The following FGL1 variants were observed in gnomAD, a reference collection of about 807,000 sequenced individuals.
FGL1 encodes fibrinogen-like protein 1.
In FGL1, 59 loss-of-function variants were observed where a neutral mutation model predicts 43.7. The observed-to-expected ratio is 1.35, with a 90% CI of 1.10 to 1.68. The LOEUF (loss-of-function observed/expected upper bound fraction) is 1.68, where lower values mean the gene tolerates loss of function less well. FGL1 is among the 40% of genes most tolerant of loss of function. The pLI, the probability that FGL1 is intolerant of heterozygous loss-of-function variation, is 0.00. For synonymous variants in FGL1, 192 were observed against 126.5 expected (o/e 1.52, Z -3.48); for missense variants, 596 against 373.0 (o/e 1.60, Z -4.92).
At chr8:17,880,340 C>T (rs1395277180) in intron 3 of FGL1, among the ~76,000 whole-genome samples, 1 of 152,196 alleles carries the variant, frequency 6.6e-6, no homozygotes, top group East Asian at 1.9e-4. Context: ...TGTGAGCCAG[C>T]CAGGTGCCCT....
At chr8:17,895,295 C>T in intron 1 of FGL1, 152 bp downstream of exon 1, 2 of 1,064,800 alleles carry the variant, frequency 1.9e-6, no homozygotes, top group Non-Finnish European at 2.3e-6. Flanking sequence ...TAAATCTCTT[C>T]TCCAAGTAGC....
chr8:17,888,960 A>C (rs1485457500), intron 1 of FGL1, among the ~76,000 whole-genome samples: 1 of 152,184 alleles, frequency 6.6e-6, no homozygotes, highest in Non-Finnish European at 1.5e-5. Context: ...TCTTTTCTTC[A>C]CAATAAGAGA....
intron 7 of FGL1, among the ~76,000 whole-genome samples, chr8:17,867,253 G>A (rs1342308444): frequency 2.0e-5 from 3 of 152,080 alleles, no homozygotes; most frequent in Admixed American, 2.0e-4. Context: ...TACGAAGTGA[G>A]TAACGAGCAG....
intron 5 of FGL1, among the ~76,000 whole-genome samples, chr8:17,872,828 A>G (rs2053384838): frequency 6.6e-6 from 1 of 152,224 alleles, no homozygotes; most frequent in African/African-American, 2.4e-5. Context: ...AACTCTAAAG[A>G]TAAGAATTTA....
At chr8:17,890,643 C>A (rs529339725) in intron 1 of FGL1, among the ~76,000 whole-genome samples, 1 of 152,090 alleles carries the variant, frequency 6.6e-6, no homozygotes, top group South Asian at 2.1e-4. Flanking sequence ...TAAATTTACC[C>A]AGTAAAGATC....
Position 17,874,541 on chromosome 8 carries a change from A to G in FGL1, c.245-20T>C. The stretch of plus-strand genomic sequence containing the variant: ...AACAATCTGTTTTTAAAACAAGGTA[A>G]TGTAACATTCATTATGTGTCTTTTT... On this transcript the variant is annotated intron_variant, in intron 3 of 7. Coordinates refer to ENST00000427924, the MANE Select transcript of FGL1 (RefSeq NM_004467.4). The G allele has an allele frequency of 6.3e-7, 1 of 1,595,604 alleles. No homozygotes were observed. The highest frequency in any genetic ancestry group is 2.2e-5 in the East Asian group (1 of 44,540).
chr8:17,882,211 A>C (rs1563457154), intron 2 of FGL1, 32 bp from the exon 3 acceptor site: 1 of 1,535,784 alleles, frequency 6.5e-7, no homozygotes, highest in East Asian at 2.3e-5. Flanking sequence ...ATGAGTATGC[A>C]CCTCATTTTC....
intron 5 of FGL1, among the ~76,000 whole-genome samples, chr8:17,869,254 A>T (rs1364455536): frequency 6.6e-6 from 1 of 152,206 alleles, no homozygotes; most frequent in African/African-American, 2.4e-5. Flanking sequence ...TAGAGGTAAA[A>T]CCTAGTGCAA....
chr8:17,891,724 T>G, intron 1 of FGL1: 2 of 985,012 alleles, frequency 2.0e-6, no homozygotes, highest in Non-Finnish European at 2.4e-6. Flanking sequence ...TTATTGTAAT[T>G]TCACAGTTGC....
chr8:17,881,067 A>T (rs2053526857), intron 3 of FGL1, among the ~76,000 whole-genome samples: 1 of 152,180 alleles, frequency 6.6e-6, no homozygotes, highest in African/African-American at 2.4e-5. Flanking sequence ...CATACATGCA[A>T]CAAGGAAAGA....
At chr8:17,869,166 G>A (rs1391586033) in intron 5 of FGL1, among the ~76,000 whole-genome samples, 162 bp from the exon 6 acceptor site, 1 of 151,804 alleles carries the variant, frequency 6.6e-6, no homozygotes, top group African/African-American at 2.4e-5. Flanking sequence ...TATATAACAT[G>A]AACATTTTAT....
At chr8:17,871,878 G>C (rs1029335627) in intron 5 of FGL1, among the ~76,000 whole-genome samples, 2 of 152,018 alleles carry the variant, frequency 1.3e-5, no homozygotes, top group Admixed American at 1.3e-4. Flanking sequence ...AGTTCCTCTG[G>C]GAAAATATGT....
chr8:17,875,001 A>G (rs777804049), intron 3 of FGL1, among the ~76,000 whole-genome samples: 2 of 152,134 alleles, frequency 1.3e-5, no homozygotes, highest in Non-Finnish European at 2.9e-5. Flanking sequence ...TAATAACAGT[A>G]TATTTAGGTG....
intron 2 of FGL1, 73 bp downstream of exon 2, chr8:17,885,419 A>T: frequency 2.4e-6 from 3 of 1,271,910 alleles, no homozygotes; most frequent in Non-Finnish European, 3.4e-6. Context: ...CTATAGGTTT[A>T]ATGCAAAATG....
intron 3 of FGL1, among the ~76,000 whole-genome samples, chr8:17,878,297 T>C (rs982243788): frequency 6.6e-6 from 1 of 152,166 alleles, no homozygotes; most frequent in Non-Finnish European, 1.5e-5. Context: ...TTACAACAAA[T>C]ACACAGCATT....
At chr8:17,886,933 G>A (rs1354714557) in intron 1 of FGL1, among the ~76,000 whole-genome samples, 1 of 152,138 alleles carries the variant, frequency 6.6e-6, no homozygotes, top group Non-Finnish European at 1.5e-5. Context: ...GGAAGTGAAG[G>A]TAGAGGCAAA....
chr8:17,885,956 T>G (rs965609718), intron 1 of FGL1, among the ~76,000 whole-genome samples: 5 of 152,200 alleles, frequency 3.3e-5, no homozygotes, highest in Non-Finnish European at 7.3e-5. Flanking sequence ...TTTCTCCCTA[T>G]GTTGTGAGGC....
chr8:17,882,953 A>T (rs1264452514), intron 2 of FGL1, among the ~76,000 whole-genome samples: 1 of 98,186 alleles, frequency 1.0e-5, no homozygotes, highest in East Asian at 2.7e-4. Flanking sequence ...ATAATATATA[A>T]TATATATCAT....
At chr8:17,892,764 A>T (rs2053723170) in intron 1 of FGL1, among the ~76,000 whole-genome samples, 1 of 152,222 alleles carries the variant, frequency 6.6e-6, no homozygotes, top group South Asian at 2.1e-4. Flanking sequence ...CAGGAGTCAA[A>T]AATTAAAAAT....
Sources: allele counts gnomAD v4.1 joint callset (sites outside exome capture counted in the v4.1 genomes callset), GRCh38; gene constraint gnomAD v4.1.1; transcripts MANE v1.5; gene names NCBI Gene and HGNC (gene_info 2026-07-23, HGNC 2026-07-21).